LTBP1: variants seen among roughly 807,000 people sequenced by gnomAD.
The protein encoded by LTBP1 is latent-transforming growth factor beta-binding protein 1.
LTBP1 carries 129 observed loss-of-function variants against 207.6 expected under a neutral mutation model. That is an observed-to-expected ratio of 0.62 (90% confidence interval 0.54 to 0.72). LTBP1 has a LOEUF of 0.72. Ranked by LOEUF, LTBP1 falls within the 30% of genes least tolerant of loss-of-function variation. LTBP1 has a pLI of 0.00. For synonymous variants in LTBP1, 963 were observed against 833.7 expected (o/e 1.16, Z -2.67); for missense variants, 2,281 against 2,217.2 (o/e 1.03, Z -0.58).
rs755575748 is a variant in LTBP1, at chr2:33,262,838, T to G, written c.2518+17T>G. The G allele has an allele frequency of 6.5e-7, 1 of 1,546,784 alleles. No individual in the cohort carries two copies. The highest frequency in any genetic ancestry group is 1.2e-5 in the South Asian group (1 of 84,140). On this transcript the variant is annotated intron_variant, in intron 14 of 33. Transcript: ENST00000404816. ...AGTTTCCAGGTAGCCTGTGTTGATCTGTGCTGTTTGTCAGAGTATTCTGAA... is the reference window on the plus strand; with the variant it reads ...AGTTTCCAGGTAGCCTGTGTTGATCGGTGCTGTTTGTCAGAGTATTCTGAA...
At chr2:33,211,193 C>A (rs2090285052) in intron 7 of LTBP1, among the ~76,000 whole-genome samples, 1 of 152,122 alleles carries the variant, frequency 6.6e-6, no homozygotes. Context: ...ATGTGGCTAT[C>A]TTTATGGAGT....
At chr2:33,024,091 T>C (rs899304000) in intron 3 of LTBP1, among the ~76,000 whole-genome samples, 1 of 152,214 alleles carries the variant, frequency 6.6e-6, no homozygotes, top group Non-Finnish European at 1.5e-5. Flanking sequence ...TCAACAAGTT[T>C]TTATGGAGCA....
At chr2:33,320,749 A>G (rs982450597) in intron 24 of LTBP1, among the ~76,000 whole-genome samples, 2 of 152,240 alleles carry the variant, frequency 1.3e-5, no homozygotes, top group African/African-American at 4.8e-5. Flanking sequence ...CACTTGATGT[A>G]AACTATGGAC....
At chr2:33,364,400 T>G in intron 30 of LTBP1, 44 bp downstream of exon 30, 1 of 1,564,594 alleles carries the variant, frequency 6.4e-7, no homozygotes, top group Non-Finnish European at 8.6e-7. Context: ...ATAACTATCA[T>G]AAGATTTTCC....
intron 2 of LTBP1, among the ~76,000 whole-genome samples, chr2:32,968,917 A>ATTTTT (rs61065758): frequency 6.5e-5 from 7 of 107,324 alleles, no homozygotes; most frequent in Admixed American, 3.9e-4. Context: ...GTGTGTGTGT[A>ATTTTT]TTTTTTTTTT....
intron 31 of LTBP1, among the ~76,000 whole-genome samples, chr2:33,371,460 G>GGAA (rs1472251939): frequency 1.3e-5 from 2 of 152,138 alleles, no homozygotes; most frequent in East Asian, 3.9e-4. Flanking sequence ...GAGCTGTTTG[G>GGAA]GAAACCAAGT....
intron 2 of LTBP1, among the ~76,000 whole-genome samples, chr2:32,981,898 T>C (rs1481714327): frequency 6.6e-6 from 1 of 152,196 alleles, no homozygotes; most frequent in Non-Finnish European, 1.5e-5. Flanking sequence ...ATTAAACCTG[T>C]TTTATAAATT....
At chr2:33,394,725 A>T (rs2095344051) in intron 32 of LTBP1, among the ~76,000 whole-genome samples, 1 of 152,168 alleles carries the variant, frequency 6.6e-6, no homozygotes, top group African/African-American at 2.4e-5. Context: ...GTATAGTTTG[A>T]AGTCAGGTAG....
chr2:33,042,385 G>A (rs895377414), intron 3 of LTBP1, among the ~76,000 whole-genome samples: 1 of 152,226 alleles, frequency 6.6e-6, no homozygotes, highest in African/African-American at 2.4e-5. Context: ...TGATGAAGAT[G>A]AGGTTTTTTC....
At chr2:33,217,846 A>G (rs996360920) in intron 8 of LTBP1, among the ~76,000 whole-genome samples, 192 bp downstream of exon 8, 1 of 152,244 alleles carries the variant, frequency 6.6e-6, no homozygotes, top group African/African-American at 2.4e-5. Context: ...ATTTTGTAAT[A>G]AGCACAGTTA....
At chr2:33,289,819 G>C (rs548212489) in intron 19 of LTBP1, among the ~76,000 whole-genome samples, 20 of 152,252 alleles carry the variant, frequency 1.3e-4, no homozygotes, top group Non-Finnish European at 2.6e-4. Context: ...CAAATTTTGA[G>C]CTCTACCATG....
intron 19 of LTBP1, among the ~76,000 whole-genome samples, chr2:33,288,794 G>T (rs180881400): frequency 6.6e-6 from 1 of 150,936 alleles, no homozygotes; most frequent in Non-Finnish European, 1.5e-5. Flanking sequence ...AGCAGAAGTT[G>T]CAGTGAGCCG....
At chr2:33,142,509 C>T (rs2082712370) in intron 5 of LTBP1, among the ~76,000 whole-genome samples, 1 of 151,754 alleles carries the variant, frequency 6.6e-6, no homozygotes, top group African/African-American at 2.4e-5. Context: ...CCTGGGTAGA[C>T]GAAGGGGTGC....
At chr2:33,397,754 C>T (rs569050485) in intron 33 of LTBP1, among the ~76,000 whole-genome samples, 43 of 150,626 alleles carry the variant, frequency 2.9e-4, no homozygotes, top group African/African-American at 1.0e-3. Flanking sequence ...AATCTCCTGA[C>T]CTCGTGATCC....
intron 24 of LTBP1, among the ~76,000 whole-genome samples, chr2:33,320,406 A>G (rs1007979650): frequency 4.4e-4 from 67 of 152,082 alleles, no homozygotes; most frequent in Non-Finnish European, 7.8e-4. Context: ...GAAAAAAAAA[A>G]AAAAAGAAAA....
chr2:33,309,307 T>C, intron 22 of LTBP1, 127 bp from the exon 23 acceptor site: 1 of 601,888 alleles, frequency 1.7e-6, no homozygotes, highest in Non-Finnish European at 2.6e-6. Flanking sequence ...AGTTAAAAAG[T>C]TGTCATGTAT....
chr2:33,290,625 G>A (rs1051273928), intron 19 of LTBP1, among the ~76,000 whole-genome samples: 1 of 152,164 alleles, frequency 6.6e-6, no homozygotes, highest in South Asian at 2.1e-4. Flanking sequence ...ATGAAAGTAG[G>A]TGATTTGAGA....
intron 25 of LTBP1, among the ~76,000 whole-genome samples, chr2:33,346,354 C>G (rs2094700994): frequency 6.6e-6 from 1 of 152,088 alleles, no homozygotes; most frequent in African/African-American, 2.4e-5. Flanking sequence ...TCTGTGGTTA[C>G]TGAAGTGTCA....
intron 2 of LTBP1, among the ~76,000 whole-genome samples, chr2:32,953,091 C>G (rs1260843505): frequency 6.6e-6 from 1 of 152,202 alleles, no homozygotes; most frequent in Non-Finnish European, 1.5e-5. Context: ...ATCGATATTC[C>G]ATTGCTTTTC....
Sources: gnomAD v4.1 joint callset for allele counts (sites outside exome capture counted in the v4.1 genomes callset) on GRCh38, gnomAD v4.1.1 for gene constraint, MANE v1.5 for transcripts, NCBI Gene and HGNC (gene_info 2026-07-23, HGNC 2026-07-21) for gene names.